ALK: variants seen among roughly 807,000 people sequenced by gnomAD.
ALK encodes the protein ALK tyrosine kinase receptor.
Under a neutral mutation model 163.1 loss-of-function variants are expected in ALK, and 74 were observed. That is an observed-to-expected ratio of 0.45 (90% confidence interval 0.38 to 0.55). The LOEUF is 0.55. Among genes scored for constraint, ALK ranks in the 20% least tolerant of loss-of-function variants. The probability of loss-of-function intolerance (pLI) is 0.00; values close to 1 mark genes in which losing one functional copy is unlikely to be tolerated. For synonymous variants in ALK, 960 were observed against 843.2 expected (o/e 1.14, Z -2.40); for missense variants, 2,063 against 2,105.3 (o/e 0.98, Z 0.39).
chr2:29,879,121 G>A (rs1249739470), intron 1 of ALK, among the ~76,000 whole-genome samples: 1 of 152,086 alleles, frequency 6.6e-6, no homozygotes, highest in Non-Finnish European at 1.5e-5. Context: ...CCACCCCTGC[G>A]TGGTACTAAA....
intron 5 of ALK, among the ~76,000 whole-genome samples, chr2:29,373,447 A>G (rs916321960): frequency 6.6e-6 from 1 of 152,206 alleles, no homozygotes; most frequent in Non-Finnish European, 1.5e-5. Flanking sequence ...TATTTCCTTT[A>G]TGTAGTTGTA....
rs186016663 is a variant in ALK, at chr2:29,563,747, G to A, written c.953-31631C>T. On this transcript the variant is annotated intron_variant, in intron 3 of 28. Transcript: ENST00000389048. The stretch of plus-strand genomic sequence containing the variant: ...TGCACATAGGCCAAATGAACTATGG[G>A]GGGAGTTAAGTTTATAGTTTAACTC... Among the ~76,000 whole-genome samples, 7 of 152,292 alleles carry A rather than the reference G, an allele frequency of 4.6e-5. No homozygotes were observed. The East Asian group carries it at 1.3e-3, about 29-fold the overall frequency.
At chr2:29,793,065 T>C (rs867838940) in intron 1 of ALK, among the ~76,000 whole-genome samples, 1 of 152,302 alleles carries the variant, frequency 6.6e-6, no homozygotes, top group Middle Eastern at 3.4e-3. Context: ...TTGAAGTCAA[T>C]CGTCTCAAAC....
chr2:29,490,209 A>G lies in ALK; in HGVS notation c.1154+41706T>C, dbSNP rs114549443. Among the ~76,000 whole-genome samples, 911 of 152,358 alleles carry G rather than the reference A, an allele frequency of 6.0e-3. 13 individuals carry two copies. The highest frequency in any genetic ancestry group is 0.02 in the African/African-American group (819 of 41,582). On this transcript the variant is annotated intron_variant, in intron 4 of 28. Coordinates refer to ENST00000389048, the MANE Select transcript of ALK (RefSeq NM_004304.5). ...AGAGCTGGAGCTAGAGATAGGGAAG[A>G]GCTGAGGCCGCAAGCAGCCCAGCAG...
intron 11 of ALK, among the ~76,000 whole-genome samples, chr2:29,272,717 G>A (rs1397221923): frequency 6.6e-5 from 10 of 152,194 alleles, no homozygotes; most frequent in Admixed American, 3.9e-4. Flanking sequence ...CTGTCTCCTC[G>A]ATTGTTTGTC....
At chr2:29,265,376 C>T (rs1261496924) in intron 11 of ALK, among the ~76,000 whole-genome samples, 2 of 152,130 alleles carry the variant, frequency 1.3e-5, no homozygotes, top group Admixed American at 6.6e-5. Context: ...TGGCCACTCC[C>T]CTAATCCCAT....
chr2:29,622,515 C>T (rs892973105), intron 3 of ALK, among the ~76,000 whole-genome samples: 4 of 152,228 alleles, frequency 2.6e-5, no homozygotes, highest in African/African-American at 9.7e-5. Context: ...CTCTGGGTCC[C>T]TCCCACAACA....
chr2:29,393,938 C>T (rs140040595), intron 4 of ALK, among the ~76,000 whole-genome samples: 209 of 152,252 alleles, frequency 1.4e-3, no homozygotes, highest in African/African-American at 4.8e-3. Flanking sequence ...CTTAAAAACC[C>T]GGAAAGTCTC....
At chr2:29,510,138 G>A (rs1445095041) in intron 4 of ALK, among the ~76,000 whole-genome samples, 4 of 152,150 alleles carry the variant, frequency 2.6e-5, no homozygotes, top group Non-Finnish European at 4.4e-5. Context: ...AAGTAAAAAG[G>A]CTGCTGGGTA....
chr2:29,204,781 G>A (rs1669271908), intron 26 of ALK, among the ~76,000 whole-genome samples: 1 of 152,156 alleles, frequency 6.6e-6, no homozygotes, highest in South Asian at 2.1e-4. Flanking sequence ...GTAGAGATGT[G>A]TTTCACCATG....
chr2:29,344,719 A>G (rs569483169), intron 5 of ALK, among the ~76,000 whole-genome samples: 6 of 152,352 alleles, frequency 3.9e-5, no homozygotes, highest in South Asian at 2.1e-4. Context: ...TTTTGCTACT[A>G]TGCTCTGGAG....
At chr2:29,255,979 T>C (rs957026213) in intron 11 of ALK, among the ~76,000 whole-genome samples, 4 of 152,130 alleles carry the variant, frequency 2.6e-5, no homozygotes, top group Non-Finnish European at 4.4e-5. Context: ...ATCTGGCAGG[T>C]ACTTCAGGTA....
chr2:29,700,647 T>A (rs1389281004), intron 2 of ALK, among the ~76,000 whole-genome samples: 1 of 152,226 alleles, frequency 6.6e-6, no homozygotes, highest in Admixed American at 6.5e-5. Context: ...TGTGTGTTCA[T>A]GCATTTTTAT....
chr2:29,262,923 G>A (rs963860004), intron 11 of ALK, among the ~76,000 whole-genome samples: 2 of 152,214 alleles, frequency 1.3e-5, no homozygotes, highest in Non-Finnish European at 2.9e-5. Flanking sequence ...AGAAGAGAAA[G>A]GTCACAGGAA....
At chr2:29,435,408 C>T (rs1005228213) in intron 4 of ALK, among the ~76,000 whole-genome samples, 30 of 151,962 alleles carry the variant, frequency 2.0e-4, no homozygotes, top group African/African-American at 6.8e-4. Context: ...GCAGCCCTGC[C>T]AGATGCCACC....
Position 29,672,102 on chromosome 2 carries a change from G to A in ALK, c.952+22748C>T, listed in dbSNP as rs572156739. On this transcript the variant is annotated intron_variant, in intron 3 of 28. Coordinates refer to ENST00000389048, the MANE Select transcript of ALK (RefSeq NM_004304.5). Reference sequence around the variant, plus strand: ...TAGAGTCTCAGATGTCTTTTATTTAGGGAGGTTTTTTCATACATTTTCTGT... The same window carrying A: ...TAGAGTCTCAGATGTCTTTTATTTAAGGAGGTTTTTTCATACATTTTCTGT... 2.4e-3 allele frequency among the ~76,000 whole-genome samples: 355 copies of A among 146,080 alleles called. 3 individuals carry two copies. The highest frequency in any genetic ancestry group is 8.6e-3 in the African/African-American group (340 of 39,336).
At chr2:29,467,154 G>A (rs1650122065) in intron 4 of ALK, among the ~76,000 whole-genome samples, 7 of 151,762 alleles carry the variant, frequency 4.6e-5, no homozygotes, top group Admixed American at 4.6e-4. Context: ...AGGAAGGGAT[G>A]ACTTTTGTTT....
intron 2 of ALK, among the ~76,000 whole-genome samples, chr2:29,698,609 G>A (rs1438471169): frequency 5.9e-5 from 9 of 152,172 alleles, no homozygotes; most frequent in Non-Finnish European, 8.8e-5. Flanking sequence ...TGGCAAATGT[G>A]CCCTACATGT....
intron 3 of ALK, among the ~76,000 whole-genome samples, chr2:29,678,919 A>C (rs961413580): frequency 1.1e-4 from 17 of 151,874 alleles, no homozygotes; most frequent in African/African-American, 3.9e-4. Flanking sequence ...GTTATTGCTC[A>C]AGGCTTCTAT....
Sources: gnomAD v4.1 joint callset for allele counts (sites outside exome capture counted in the v4.1 genomes callset) on GRCh38, gnomAD v4.1.1 for gene constraint, MANE v1.5 for transcripts, NCBI Gene and HGNC (gene_info 2026-07-23, HGNC 2026-07-21) for gene names.